Variants in ADAM23 observed in about 807,000 individuals in gnomAD.
ADAM23 encodes the protein disintegrin and metalloproteinase domain-containing protein 23.
In ADAM23, 33 loss-of-function variants were observed where a neutral mutation model predicts 120.1. The ratio of observed to expected loss-of-function variants is 0.27; its 90% CI spans 0.21 to 0.37. The LOEUF is 0.37. Ranked by LOEUF, ADAM23 falls within the 10% of genes least tolerant of loss-of-function variation. ADAM23 has a pLI of 1.00. For missense variants in ADAM23, 862 were observed against 1,058.2 expected, an observed-to-expected ratio of 0.81 and a Z score of 2.57; for synonymous variants, 367 against 375.2, an observed-to-expected ratio of 0.98 and a Z score of 0.25.
At chr2:206,585,072 T>G (rs754482240) in intron 18 of ADAM23, among the ~76,000 whole-genome samples, 39 of 152,192 alleles carry the variant, frequency 2.6e-4, no homozygotes, top group Non-Finnish European at 5.3e-4. Flanking sequence ...TTTGGGTGTC[T>G]CCTGGGTCCT....
At chr2:206,554,545 T>C (rs1232420514) in intron 9 of ADAM23, among the ~76,000 whole-genome samples, 1 of 152,216 alleles carries the variant, frequency 6.6e-6, no homozygotes, top group African/African-American at 2.4e-5. Context: ...TTTTCCTTAC[T>C]TAAAAACCAC....
chr2:206,594,431 A>G (rs931288369), intron 22 of ADAM23, among the ~76,000 whole-genome samples: 6 of 152,176 alleles, frequency 3.9e-5, no homozygotes, highest in Non-Finnish European at 2.9e-5. Flanking sequence ...TCTCATATAG[A>G]TACTTCTCTC....
At position 206,486,449 on chromosome 2, in the gene ADAM23, A is replaced by G. The variant is rs1034969870; in HGVS notation, c.509+5141A>G. On this transcript the variant is annotated intron_variant, in intron 3 of 25. Transcript: ENST00000264377. ...GTTAGAGCAACAATTCTTAATGTTT[A>G]TCAGTCCTTGGAAGTCTCAGAAGGT... is the stretch of plus-strand genomic sequence containing the variant. 2.0e-5 allele frequency among the ~76,000 whole-genome samples: 3 copies of G among 151,832 alleles called. No individual in the cohort carries two copies. The East Asian group carries it at 5.8e-4, about 29-fold the overall frequency.
intron 3 of ADAM23, among the ~76,000 whole-genome samples, chr2:206,504,878 G>A (rs1696464452): frequency 6.6e-6 from 1 of 152,164 alleles, no homozygotes. Flanking sequence ...TGTAGATTAT[G>A]TATGTGGAAT....
chr2:206,509,984 C>G (rs1272054310), intron 3 of ADAM23, among the ~76,000 whole-genome samples: 1 of 152,170 alleles, frequency 6.6e-6, no homozygotes. Flanking sequence ...AGCTCAGAAT[C>G]TTTATCAACA....
chr2:206,444,256 TG>T (rs1695028276), intron 1 of ADAM23, among the ~76,000 whole-genome samples, 176 bp downstream of exon 1: 1 of 152,256 alleles, frequency 6.6e-6, no homozygotes, highest in South Asian at 2.1e-4. Context: ...AGTTCACTTT[TG>T]GAAGTCCATT....
chr2:206,577,319 A>G (rs1458952740), intron 18 of ADAM23, among the ~76,000 whole-genome samples: 1 of 147,722 alleles, frequency 6.8e-6, no homozygotes, highest in Non-Finnish European at 1.5e-5. Context: ...TGTGCAGGTT[A>G]GTTACATATG....
chr2:206,547,466 T>G lies in ADAM23; in HGVS notation c.758T>G (p.Leu253Trp), dbSNP rs776372646. The change falls in exon 7 of 26, where the codon TTG becomes TGG. Residue 253 changes from leucine (L) to tryptophan (W), a missense_variant. Physicochemically the swap from Leu to Trp is moderately conservative, Grantham distance 61. This residue lies in a region of ADAM23 where 617 missense variants were observed against 813.5 expected (regional missense o/e 0.76). Coordinates refer to ENST00000264377, the MANE Select transcript of ADAM23 (RefSeq NM_003812.4). ...CGACCACATATAATCCAGAAAACCT[T>G]GGCAGGACAGTATTCTAAGCAAATG... The part of the protein sequence containing the change: ...TGRPHIIQKT[L>W]AGQYSKQMKN... 3.1e-6 allele frequency: 5 copies of G among 1,613,286 alleles called. No individual in the cohort carries two copies.
intron 2 of ADAM23, among the ~76,000 whole-genome samples, chr2:206,471,273 A>C (rs1260187451): frequency 6.6e-6 from 1 of 152,198 alleles, no homozygotes; most frequent in Admixed American, 6.5e-5. Flanking sequence ...ACTGTACCAT[A>C]ATTTTCATTT....
chr2:206,556,557 A>C (rs991227892), intron 9 of ADAM23, among the ~76,000 whole-genome samples: 1 of 152,102 alleles, frequency 6.6e-6, no homozygotes, highest in Non-Finnish European at 1.5e-5. Flanking sequence ...AGAGGGCATG[A>C]TTTTCCTATG....
At position 206,559,950 on chromosome 2, in the gene ADAM23, C is replaced by G; in HGVS notation, c.1006-5C>G. On this transcript the variant is annotated splice_region_variant and splice_polypyrimidine_tract_variant and intron_variant, in intron 10 of 25. Transcript: ENST00000264377. Reference sequence around the variant, plus strand: ...TCCTGCACCTGTCCTGTTGTATACCCTCAGATTTACAAGGAGCAGCTCAAC... The same window carrying G: ...TCCTGCACCTGTCCTGTTGTATACCGTCAGATTTACAAGGAGCAGCTCAAC... The G allele has an allele frequency of 1.2e-6, 2 of 1,611,198 alleles. No homozygotes were observed. The highest frequency in any genetic ancestry group is 1.7e-6 in the Non-Finnish European group (2 of 1,178,710).
intron 2 of ADAM23, among the ~76,000 whole-genome samples, chr2:206,477,903 T>TATATAC (rs1553548697): frequency 6.6e-5 from 9 of 135,526 alleles, no homozygotes; most frequent in African/African-American, 2.0e-4. Flanking sequence ...AAAAAATATA[T>TATATAC]ATATATATAT....
intron 18 of ADAM23, among the ~76,000 whole-genome samples, chr2:206,578,237 G>A (rs1314898829): frequency 1.3e-5 from 2 of 152,012 alleles, no homozygotes; most frequent in Non-Finnish European, 2.9e-5. Context: ...TGGGGTACAG[G>A]TGGTATTTGG....
intron 21 of ADAM23, among the ~76,000 whole-genome samples, chr2:206,589,733 C>T (rs1698390163): frequency 6.6e-6 from 1 of 152,084 alleles, no homozygotes; most frequent in African/African-American, 2.4e-5. Context: ...TCACAAAATT[C>T]AGAAAATTTC....
At chr2:206,525,058 G>A (rs1396657640) in intron 3 of ADAM23, among the ~76,000 whole-genome samples, 2 of 152,144 alleles carry the variant, frequency 1.3e-5, no homozygotes, top group Non-Finnish European at 2.9e-5. Context: ...AGCCCTTCCT[G>A]GTTTATGTAT....
At chr2:206,453,839 A>G (rs1695243255) in intron 2 of ADAM23, among the ~76,000 whole-genome samples, 1 of 152,264 alleles carries the variant, frequency 6.6e-6, no homozygotes, top group African/African-American at 2.4e-5. Context: ...GTTTTGTTAT[A>G]TGGGTGTCCT....
chr2:206,470,389 A>G (rs1695631744), intron 2 of ADAM23, among the ~76,000 whole-genome samples: 1 of 152,182 alleles, frequency 6.6e-6, no homozygotes, highest in South Asian at 2.1e-4. Flanking sequence ...TGAAAATAGG[A>G]GATTCTGCAT....
chr2:206,457,763 A>T (rs1695328466), intron 2 of ADAM23, among the ~76,000 whole-genome samples: 1 of 152,222 alleles, frequency 6.6e-6, no homozygotes, highest in Non-Finnish European at 1.5e-5. Context: ...TATGTCAGAC[A>T]TTCGTACCAT....
At chr2:206,487,888 C>T (rs1354259405) in intron 3 of ADAM23, among the ~76,000 whole-genome samples, 2 of 152,184 alleles carry the variant, frequency 1.3e-5, no homozygotes, top group African/African-American at 4.8e-5. Context: ...TGTAAGACAT[C>T]CACATTGGGT....
Sources: allele counts gnomAD v4.1 joint callset (sites outside exome capture counted in the v4.1 genomes callset), GRCh38; gene constraint gnomAD v4.1.1; regional missense constraint gnomAD v4.1.1; transcripts MANE v1.5; gene names NCBI Gene and HGNC (gene_info 2026-07-23, HGNC 2026-07-21).